Variants in COL11A1 observed in about 807,000 individuals in gnomAD.
The protein encoded by COL11A1 is collagen type XI alpha 1 chain.
Under a neutral mutation model 265.2 loss-of-function variants are expected in COL11A1, and 74 were observed. The observed-to-expected ratio is 0.28, with a 90% confidence interval of 0.23 to 0.34. The LOEUF (loss-of-function observed/expected upper bound fraction) is 0.34, where lower values mean the gene tolerates loss of function less well. Ranked by LOEUF, COL11A1 falls within the 10% of genes least tolerant of loss-of-function variation. The pLI is 1.00. For missense variants in COL11A1, 2,165 were observed against 2,263.6 expected, an observed-to-expected ratio of 0.96 and a Z score of 0.88; for synonymous variants, 816 against 727.6, an observed-to-expected ratio of 1.12 and a Z score of -1.96.
intron 46 of COL11A1, among the ~76,000 whole-genome samples, chr1:102,931,927 T>G (rs573983365): frequency 6.6e-6 from 1 of 151,508 alleles, no homozygotes; most frequent in Non-Finnish European, 1.5e-5. Context: ...CTGCCTTTTT[T>G]TGTTTTCCAT....
At chr1:102,960,898 T>C (rs2101562082) in intron 41 of COL11A1, among the ~76,000 whole-genome samples, 1 of 152,244 alleles carries the variant, frequency 6.6e-6, no homozygotes, top group South Asian at 2.1e-4. Flanking sequence ...TAGTATTCTA[T>C]AGGTGAAACT....
chr1:102,999,427 T>C (rs1039377857), intron 24 of COL11A1, among the ~76,000 whole-genome samples: 1 of 151,966 alleles, frequency 6.6e-6, no homozygotes, highest in Non-Finnish European at 1.5e-5. Flanking sequence ...TTATTTTGTG[T>C]CTTGTTATTT....
At chr1:103,006,208 A>AATAT in intron 16 of COL11A1, 54 bp downstream of exon 16, 1 of 1,416,182 alleles carries the variant, frequency 7.1e-7, no homozygotes, top group Non-Finnish European at 9.5e-7. Context: ...TAAATAAATA[A>AATAT]AACTAATGAT....
chr1:103,021,220 T>G (rs1045993841), intron 9 of COL11A1, among the ~76,000 whole-genome samples: 5 of 151,540 alleles, frequency 3.3e-5, no homozygotes, highest in African/African-American at 1.2e-4. Context: ...TTGGAGTGAA[T>G]TAGAGATTCT....
At chr1:103,056,564 C>T (rs1331975307) in intron 4 of COL11A1, among the ~76,000 whole-genome samples, 2 of 152,098 alleles carry the variant, frequency 1.3e-5, no homozygotes, top group African/African-American at 2.4e-5. Context: ...TCCTCTCATG[C>T]TTCTGGAAGT....
At position 102,877,158 on chromosome 1, in the gene COL11A1, G is replaced by T. The variant is rs1374863484; in HGVS notation, c.*861C>A. 3.3e-5 allele frequency: 5 copies of T among 152,506 alleles called. No homozygotes were observed. The highest frequency in any genetic ancestry group is 9.7e-5 in the African/African-American group (4 of 41,436). The allele number at this position is 152,506 out of a possible 1,614,324, so 9.4% of individuals were successfully genotyped here. On this transcript the variant is annotated 3_prime_UTR_variant, in exon 67 of 67. Coordinates refer to ENST00000370096, the MANE Select transcript of COL11A1 (RefSeq NM_001854.4). ...GTTTGCTTGACGGAGGCATTGATTT[G>T]TTAATATACTTTCTTACACACATTT...
intron 37 of COL11A1, among the ~76,000 whole-genome samples, chr1:102,966,908 T>G (rs1401832663): frequency 6.6e-6 from 1 of 152,196 alleles, no homozygotes; most frequent in Non-Finnish European, 1.5e-5. Context: ...TATCATGCTC[T>G]CTCTTCAACA....
At chr1:102,956,373 A>G (rs1660374223) in intron 41 of COL11A1, among the ~76,000 whole-genome samples, 2 of 152,144 alleles carry the variant, frequency 1.3e-5, no homozygotes, top group Non-Finnish European at 2.9e-5. Flanking sequence ...CTTTGCAGGA[A>G]GGTCCATTTT....
chr1:103,032,219 T>G (rs1668047269), intron 4 of COL11A1, among the ~76,000 whole-genome samples: 1 of 152,086 alleles, frequency 6.6e-6, no homozygotes, highest in South Asian at 2.1e-4. Flanking sequence ...AACTCCCGAC[T>G]CCATATTTAA....
intron 4 of COL11A1, among the ~76,000 whole-genome samples, chr1:103,068,872 C>A (rs1471712622): frequency 2.0e-5 from 3 of 150,264 alleles, no homozygotes; most frequent in African/African-American, 7.3e-5. Flanking sequence ...AAAAGATGTC[C>A]AAGACATTTA....
chr1:102,876,522 G>A lies in COL11A1; in HGVS notation c.*1497C>T, dbSNP rs1649523390. On this transcript the variant is annotated 3_prime_UTR_variant, in exon 67 of 67. Coordinates refer to ENST00000370096, the MANE Select transcript of COL11A1 (RefSeq NM_001854.4). ...TGGATTCATATCTCCCTTCTTAAAA[G>A]GACATTTACAAACTCGATTTCAAAA... is the stretch of plus-strand genomic sequence containing the variant. The A allele has an allele frequency of 6.6e-6, 1 of 152,316 alleles. No individual in the cohort carries two copies. The highest frequency in any genetic ancestry group is 1.5e-5 in the Non-Finnish European group (1 of 67,874). The allele number at this position is 152,316 out of a possible 1,614,324, so 9.4% of individuals were successfully genotyped here. A position where few individuals can be genotyped will look rare whatever the true frequency, so the allele number is the denominator to read the frequency against.
chr1:103,072,693 T>C (rs1233468345), intron 4 of COL11A1, among the ~76,000 whole-genome samples: 1 of 151,798 alleles, frequency 6.6e-6, no homozygotes, highest in Non-Finnish European at 1.5e-5. Flanking sequence ...TCCATATATT[T>C]GAATTACTTA....
At chr1:102,904,716 C>A (rs1382334953) in intron 54 of COL11A1, among the ~76,000 whole-genome samples, 3 of 152,000 alleles carry the variant, frequency 2.0e-5, no homozygotes, top group Non-Finnish European at 4.4e-5. Flanking sequence ...ATTAAAAAGT[C>A]AGGAAACAAC....
chr1:102,983,228 T>C (rs1403382275), intron 31 of COL11A1, among the ~76,000 whole-genome samples: 1 of 151,934 alleles, frequency 6.6e-6, no homozygotes, highest in African/African-American at 2.4e-5. Flanking sequence ...CCATATTTTT[T>C]ATGCTTAAAA....
chr1:102,889,958 C>G (rs1651535574), intron 58 of COL11A1, among the ~76,000 whole-genome samples: 1 of 152,102 alleles, frequency 6.6e-6, no homozygotes, highest in South Asian at 2.1e-4. Flanking sequence ...TCTTCAGAGA[C>G]TCTGCAGTCT....
intron 41 of COL11A1, among the ~76,000 whole-genome samples, chr1:102,954,082 T>G (rs1387532986): frequency 6.6e-6 from 1 of 152,196 alleles, no homozygotes; most frequent in African/African-American, 2.4e-5. Flanking sequence ...AACATGCCAT[T>G]TTTCTCTTGT....
chr1:102,997,261 A>G, intron 25 of COL11A1, 137 bp from the exon 26 acceptor site: 3 of 815,268 alleles, frequency 3.7e-6, no homozygotes, highest in South Asian at 3.0e-5. Flanking sequence ...CTTTTGCATC[A>G]GTGTGTATGG....
intron 37 of COL11A1, 32 bp from the exon 38 acceptor site, chr1:102,965,572 A>G (rs955494233): frequency 4.4e-6 from 7 of 1,578,774 alleles, no homozygotes; most frequent in Admixed American, 1.7e-5. Context: ...TGTAAAAGCT[A>G]CATACAACAC....
At position 102,927,269 on chromosome 1, in the gene COL11A1, A is replaced by G. The variant is rs548568002; in HGVS notation, c.3601-3880T>C. On this transcript the variant is annotated intron_variant, in intron 46 of 66. Coordinates refer to ENST00000370096, the MANE Select transcript of COL11A1 (RefSeq NM_001854.4). The stretch of plus-strand genomic sequence containing the variant: ...TAATACAAATAATATACCATAAGTT[A>G]CCCTCATGTGGGACCTCAATATCAT... Among the ~76,000 whole-genome samples the G allele has an allele frequency of 7.2e-5, 11 of 152,308 alleles. No homozygotes were observed. The East Asian group carries it at 2.1e-3, about 29-fold the overall frequency.
Sources: allele counts gnomAD v4.1 joint callset (sites outside exome capture counted in the v4.1 genomes callset), GRCh38; gene constraint gnomAD v4.1.1; transcripts MANE v1.5; gene names NCBI Gene and HGNC (gene_info 2026-07-23, HGNC 2026-07-21).